GRID2: variants seen among roughly 807,000 people sequenced by gnomAD.
GRID2 encodes the protein glutamate receptor ionotropic, delta-2.
In GRID2, 33 loss-of-function variants were observed where a neutral mutation model predicts 114.8. The ratio of observed to expected loss-of-function variants is 0.29; its 90% CI spans 0.22 to 0.38. GRID2 has a LOEUF of 0.38. Among genes scored for constraint, GRID2 ranks in the 10% least tolerant of loss-of-function variants. GRID2 has a pLI of 1.00. For synonymous variants in GRID2, 505 were observed against 449.9 expected, an observed-to-expected ratio of 1.12 and a Z score of -1.55; for missense variants, 1,184 against 1,257.7, an observed-to-expected ratio of 0.94 and a Z score of 0.89.
At chr4:93,733,358 G>C (rs1730654007) in intron 14 of GRID2, among the ~76,000 whole-genome samples, 1 of 152,084 alleles carries the variant, frequency 6.6e-6, no homozygotes, top group South Asian at 2.1e-4. Flanking sequence ...TCTGCTCTTA[G>C]ACACTCAAAA....
chr4:93,140,979 T>A (rs1360726999), intron 4 of GRID2, among the ~76,000 whole-genome samples: 1 of 152,182 alleles, frequency 6.6e-6, no homozygotes, highest in Non-Finnish European at 1.5e-5. Context: ...TTTGACAAAC[T>A]GTTTTAGTCT....
chr4:92,711,651 C>G (rs1382829843), intron 2 of GRID2, among the ~76,000 whole-genome samples: 1 of 152,106 alleles, frequency 6.6e-6, no homozygotes, highest in Non-Finnish European at 1.5e-5. Context: ...GCCTGTAATC[C>G]AAGCACTTTG....
intron 2 of GRID2, among the ~76,000 whole-genome samples, chr4:92,821,808 A>G (rs1359784111): frequency 6.6e-6 from 1 of 152,196 alleles, no homozygotes; most frequent in Non-Finnish European, 1.5e-5. Flanking sequence ...CCTCAAGCTA[A>G]GCAGTCCGGC....
At chr4:92,877,490 G>A (rs765852124) in intron 2 of GRID2, among the ~76,000 whole-genome samples, 26 of 152,148 alleles carry the variant, frequency 1.7e-4, no homozygotes, top group Non-Finnish European at 3.2e-4. Flanking sequence ...GAGGATGAGC[G>A]AGGCATCATT....
intron 13 of GRID2, among the ~76,000 whole-genome samples, chr4:93,611,192 G>C (rs1740856889): frequency 1.0e-5 from 1 of 97,106 alleles, no homozygotes; most frequent in African/African-American, 4.7e-5. Flanking sequence ...GTGTCTATTT[G>C]ATTCTTCTCT....
At chr4:92,519,070 G>T (rs974573937) in intron 1 of GRID2, among the ~76,000 whole-genome samples, 1 of 151,794 alleles carries the variant, frequency 6.6e-6, no homozygotes, top group Non-Finnish European at 1.5e-5. Flanking sequence ...CATAGCTGGG[G>T]TGAGGAATAA....
intron 2 of GRID2, among the ~76,000 whole-genome samples, chr4:92,857,640 C>T (rs1418766794): frequency 2.6e-5 from 4 of 152,144 alleles, no homozygotes; most frequent in Admixed American, 6.5e-5. Context: ...AGAAAGAAGT[C>T]ATCTTCATAA....
At chr4:92,485,330 ATATATATATATATATATAGT>A (rs1451321384) in intron 1 of GRID2, among the ~76,000 whole-genome samples, 112 of 102,706 alleles carry the variant, frequency 1.1e-3, no homozygotes, top group Middle Eastern at 0.011. Flanking sequence ...ATATATATAT[ATATATATATATATATATAGT>A]GTGTGTGTGT....
chr4:93,806,068 G>C (rs763148561), intron 1 of GRID2, among the ~76,000 whole-genome samples: 1 of 152,048 alleles, frequency 6.6e-6, no homozygotes, highest in Non-Finnish European at 1.5e-5. Flanking sequence ...CAGCACTCCC[G>C]CCTGGGCAAG....
chr4:93,157,077 A>G (rs913948956), intron 4 of GRID2, among the ~76,000 whole-genome samples: 1 of 151,722 alleles, frequency 6.6e-6, no homozygotes, highest in African/African-American at 2.4e-5. Flanking sequence ...ATTTTACTCA[A>G]TCCCTTCTGT....
chr4:92,311,094 C>T (rs1321854467), intron 1 of GRID2, among the ~76,000 whole-genome samples: 1 of 152,010 alleles, frequency 6.6e-6, no homozygotes, highest in Non-Finnish European at 1.5e-5. Context: ...GTGTTACCTA[C>T]AGCATCACTC....
intron 1 of GRID2, among the ~76,000 whole-genome samples, chr4:92,493,978 A>T (rs1012773763): frequency 6.6e-6 from 1 of 152,174 alleles, no homozygotes; most frequent in Non-Finnish European, 1.5e-5. Context: ...ATGCAGACAA[A>T]GACAATTAGT....
intron 1 of GRID2, among the ~76,000 whole-genome samples, chr4:92,469,781 T>C (rs567340406): frequency 4.7e-4 from 71 of 151,552 alleles, no homozygotes; most frequent in African/African-American, 1.6e-3. Context: ...CTTAAAGGTA[T>C]GATTAAGAGT....
chr4:92,589,189 G>A (rs1728595800), intron 1 of GRID2, among the ~76,000 whole-genome samples: 2 of 152,054 alleles, frequency 1.3e-5, no homozygotes, highest in Non-Finnish European at 1.5e-5. Context: ...TACACACTGT[G>A]TATATAATGA....
At chr4:93,140,057 A>T (rs1368057772) in intron 4 of GRID2, among the ~76,000 whole-genome samples, 1 of 152,216 alleles carries the variant, frequency 6.6e-6, no homozygotes, top group African/African-American at 2.4e-5. Context: ...TATGAAACAG[A>T]AGTTACAAAA....
intron 4 of GRID2, among the ~76,000 whole-genome samples, chr4:93,178,204 C>A (rs2149431749): frequency 6.6e-6 from 1 of 151,930 alleles, no homozygotes; most frequent in Admixed American, 6.6e-5. Flanking sequence ...CTTTGTCACT[C>A]TCTATTCACT....
intron 3 of GRID2, among the ~76,000 whole-genome samples, chr4:93,087,017 GATTTATTT>G (rs140238204): frequency 4.1e-5 from 6 of 147,628 alleles, no homozygotes; most frequent in South Asian, 2.2e-4. Context: ...CTATGAAAGT[GATTTATTT>G]ATTTATTTAT....
intron 14 of GRID2, among the ~76,000 whole-genome samples, chr4:93,633,533 A>G (rs1721135722): frequency 2.0e-5 from 3 of 152,114 alleles, no homozygotes. Context: ...TACATGAATA[A>G]AAGATCTACT....
At chr4:92,807,709 A>G (rs1740483877) in intron 2 of GRID2, among the ~76,000 whole-genome samples, 4 of 151,974 alleles carry the variant, frequency 2.6e-5, no homozygotes, top group South Asian at 4.1e-4. Context: ...AAATAATAAG[A>G]CGGAAGAGAA....
Sources: allele counts gnomAD v4.1 joint callset (sites outside exome capture counted in the v4.1 genomes callset), GRCh38; gene constraint gnomAD v4.1.1; transcripts MANE v1.5; gene names NCBI Gene and HGNC (gene_info 2026-07-23, HGNC 2026-07-21).